THSD4: variants seen among roughly 807,000 people sequenced by gnomAD.
The protein encoded by THSD4 is thrombospondin type-1 domain-containing protein 4.
Under a neutral mutation model 119.0 loss-of-function variants are expected in THSD4, and 69 were observed. The ratio of observed to expected loss-of-function variants is 0.58; its 90% CI spans 0.48 to 0.71. THSD4 has a LOEUF of 0.71. Among genes scored for constraint, THSD4 ranks in the 30% least tolerant of loss-of-function variants. The probability of loss-of-function intolerance (pLI) is 0.00; values close to 1 mark genes in which losing one functional copy is unlikely to be tolerated. For synonymous variants in THSD4, 524 were observed against 540.4 expected, an observed-to-expected ratio of 0.97 and a Z score of 0.42; for missense variants, 1,393 against 1,391.1, an observed-to-expected ratio of 1.00 and a Z score of -0.02.
At chr15:71,760,487 T>C (rs561790456) in intron 15 of THSD4, among the ~76,000 whole-genome samples, 3 of 152,330 alleles carry the variant, frequency 2.0e-5, no homozygotes, top group African/African-American at 7.2e-5. Flanking sequence ...TTTTCTACTC[T>C]GGAGGCACAG....
intron 2 of THSD4, among the ~76,000 whole-genome samples, chr15:71,152,930 A>G (rs2040739034): frequency 6.6e-6 from 1 of 152,044 alleles, no homozygotes; most frequent in South Asian, 2.1e-4. Context: ...TCTGGTGAAA[A>G]TCTTTGGTGG....
At chr15:71,569,861 G>A (rs900224366) in intron 7 of THSD4, among the ~76,000 whole-genome samples, 1 of 152,204 alleles carries the variant, frequency 6.6e-6, no homozygotes, top group Non-Finnish European at 1.5e-5. Flanking sequence ...GAACGTGGTG[G>A]TGTGTGCCTG....
chr15:71,509,268 A>G (rs964337356), intron 7 of THSD4, among the ~76,000 whole-genome samples: 3 of 152,204 alleles, frequency 2.0e-5, no homozygotes, highest in East Asian at 1.9e-4. Flanking sequence ...GTATTCATCC[A>G]CTGCATTGCA....
chr15:71,296,619 A>T (rs563712609), intron 6 of THSD4, among the ~76,000 whole-genome samples: 1 of 152,316 alleles, frequency 6.6e-6, no homozygotes, highest in East Asian at 1.9e-4. Context: ...CCTGTCCTGC[A>T]TTATCCTCCA....
intron 7 of THSD4, among the ~76,000 whole-genome samples, chr15:71,542,228 A>G (rs2048768831): frequency 2.0e-5 from 3 of 152,208 alleles, no homozygotes; most frequent in Non-Finnish European, 4.4e-5. Flanking sequence ...CAGAGAAAAC[A>G]GGACATTTGC....
chr15:71,648,565 T>G (rs2051018269), intron 7 of THSD4, among the ~76,000 whole-genome samples: 1 of 152,184 alleles, frequency 6.6e-6, no homozygotes, highest in Admixed American at 6.5e-5. Flanking sequence ...GTTACAAAGA[T>G]AAAAGAAATC....
intron 14 of THSD4, among the ~76,000 whole-genome samples, chr15:71,749,896 C>T (rs537668448): frequency 4.6e-5 from 7 of 151,978 alleles, no homozygotes; most frequent in African/African-American, 1.2e-4. Flanking sequence ...GCCACCACCC[C>T]GGCTAATTTT....
chr15:71,106,584 T>G lies in THSD4; in HGVS notation c.-80+9578T>G, dbSNP rs574853910. Among the ~76,000 whole-genome samples, 3 of 152,298 alleles carry G rather than the reference T, an allele frequency of 2.0e-5. No homozygotes were observed. In the South Asian group the frequency reaches 6.2e-4, roughly 32 times the overall value. ...GCACAATTACCTCTGAACACTAAAA[T>G]AACAAGGCTTTCTGATCACTTTACC... is the stretch of plus-strand genomic sequence containing the variant. On this transcript the variant is annotated intron_variant, in intron 1 of 17. Coordinates refer to the THSD4 transcript ENST00000355327.
chr15:71,212,241 C>A (rs2043893325), intron 3 of THSD4, among the ~76,000 whole-genome samples: 1 of 152,084 alleles, frequency 6.6e-6, no homozygotes, highest in East Asian at 1.9e-4. Context: ...TATAAAAATG[C>A]AATTCTGGAG....
upstream of THSD4, chr15:71,115,463 C>G (rs2040349729): frequency 1.3e-5 from 2 of 152,142 alleles, no homozygotes; most frequent in African/African-American, 2.4e-5. The surrounding 1 kb of genome is among the most constrained non-coding windows in gnomAD (Gnocchi z 4.4). Context: ...GGATCCCGCT[C>G]TCGGATCGCA....
chr15:71,519,952 G>A (rs894950290), intron 7 of THSD4, among the ~76,000 whole-genome samples: 1 of 152,128 alleles, frequency 6.6e-6, no homozygotes, highest in African/African-American at 2.4e-5. Flanking sequence ...TAGCTCTAGG[G>A]GAGTTTGCTG....
At chr15:71,236,474 G>T (rs2044106411) in intron 4 of THSD4, among the ~76,000 whole-genome samples, 2 of 152,308 alleles carry the variant, frequency 1.3e-5, no homozygotes, top group Middle Eastern at 3.4e-3. Context: ...TCACACAATA[G>T]ATGAGACTTC....
intron 7 of THSD4, among the ~76,000 whole-genome samples, chr15:71,492,075 T>A: frequency 6.6e-6 from 1 of 152,012 alleles, no homozygotes; most frequent in Non-Finnish European, 1.5e-5. Context: ...TGCATGTTTT[T>A]CTGTGGGCAT....
At position 71,590,390 on chromosome 15, in the gene THSD4, A is replaced by G. The variant is rs550811299; in HGVS notation, c.1153-70140A>G. ...TCATTATGCAGCCATAAAAAGGAAC[A>G]TGATCATGTCCTTTGCAGGAACACG... On this transcript the variant is annotated intron_variant, in intron 7 of 17. Transcript: ENST00000261862. Among the ~76,000 whole-genome samples the G allele has an allele frequency of 1.8e-4, 25 of 138,210 alleles. 7 individuals are homozygous for G. The highest frequency in any genetic ancestry group is 7.4e-4 in the Admixed American group (10 of 13,584). 90.7% of individuals were successfully genotyped at this position (138,210 alleles called of 152,430 possible).
At chr15:71,180,053 T>G (rs1235263088) in intron 3 of THSD4, among the ~76,000 whole-genome samples, 2 of 122,486 alleles carry the variant, frequency 1.6e-5, no homozygotes, top group East Asian at 2.4e-4. Flanking sequence ...GATGACGAGT[T>G]AGTGGGTGCA....
At chr15:71,646,190 C>G (rs550253535) in intron 7 of THSD4, among the ~76,000 whole-genome samples, 13 of 152,326 alleles carry the variant, frequency 8.5e-5, no homozygotes, top group African/African-American at 3.1e-4. Context: ...TACATTCATC[C>G]TATCAGATAA....
intron 6 of THSD4, among the ~76,000 whole-genome samples, chr15:71,395,950 CACAA>C (rs1360885030): frequency 9.8e-4 from 145 of 147,964 alleles, no homozygotes; most frequent in Middle Eastern, 3.6e-3. Context: ...CACACACACA[CACAA>C]ACACAGACTT....
In THSD4 at chr15:71,464,441, A is replaced by G. The variant is rs189687873; in HGVS notation, c.1152+52618A>G. Among the ~76,000 whole-genome samples the G allele has an allele frequency of 5.3e-5, 8 of 152,276 alleles. No homozygotes were observed. The East Asian group carries it at 9.7e-4, about 18-fold the overall frequency. On this transcript the variant is annotated intron_variant, in intron 7 of 17. Coordinates refer to ENST00000261862, the MANE Select transcript of THSD4 (RefSeq NM_024817.3). ...TGACTGGTAACAATGAGTTTCAGCTATCATTCTTGGTGATGCCAGTGAAAA... is the reference window on the plus strand; with the variant it reads ...TGACTGGTAACAATGAGTTTCAGCTGTCATTCTTGGTGATGCCAGTGAAAA...
At chr15:71,146,823 C>T (rs191186758) in intron 2 of THSD4, among the ~76,000 whole-genome samples, 3 of 152,246 alleles carry the variant, frequency 2.0e-5, no homozygotes, top group East Asian at 1.9e-4. Context: ...TGTAAAATGA[C>T]GGCAAGCATT....
Sources: allele counts gnomAD v4.1 joint callset (sites outside exome capture counted in the v4.1 genomes callset), GRCh38; gene constraint gnomAD v4.1.1; non-coding constraint Gnocchi (gnomAD v3.1); transcripts MANE v1.5; gene names NCBI Gene and HGNC (gene_info 2026-07-23, HGNC 2026-07-21).